The following RYR3 variants were observed in gnomAD, a reference collection of about 807,000 sequenced individuals.
RYR3 encodes the protein ryanodine receptor 3.
A neutral mutation model predicts 584.3 loss-of-function variants in RYR3; 207 were observed. The ratio of observed to expected loss-of-function variants is 0.35; its 90% CI spans 0.32 to 0.40. The LOEUF is 0.40. Ranked by LOEUF, RYR3 falls within the 10% of genes least tolerant of loss-of-function variation. The pLI is 1.00. For synonymous variants in RYR3, 2,416 were observed against 2,248.5 expected (o/e 1.07, Z -2.11); for missense variants, 5,616 against 6,089.2 (o/e 0.92, Z 2.59).
intron 80 of RYR3, among the ~76,000 whole-genome samples, chr15:33,822,329 G>T (rs1567245441): frequency 6.6e-6 from 1 of 152,254 alleles, no homozygotes; most frequent in East Asian, 1.9e-4. Flanking sequence ...CAGACCCTTG[G>T]CATTCATAAG....
intron 88 of RYR3, among the ~76,000 whole-genome samples, chr15:33,837,320 A>T (rs899940711): frequency 6.6e-6 from 1 of 152,020 alleles, no homozygotes; most frequent in Non-Finnish European, 1.5e-5. Flanking sequence ...GCACCCTCCT[A>T]GGTCTAAGGG....
chr15:33,626,716 T>G (rs2061008462), intron 20 of RYR3, among the ~76,000 whole-genome samples: 1 of 152,100 alleles, frequency 6.6e-6, no homozygotes, highest in Non-Finnish European at 1.5e-5. Flanking sequence ...GCCACTTCAC[T>G]CCAGCTATGG....
At chr15:33,789,624 T>TTA (rs1567174689) in intron 67 of RYR3, among the ~76,000 whole-genome samples, 307 of 11,694 alleles carry the variant, frequency 0.026, 12 homozygotes, top group Middle Eastern at 0.17. Context: ...AGGTTTTATT[T>TTA]TATATATATA....
At chr15:33,796,326 G>T (rs2152925843) in intron 67 of RYR3, among the ~76,000 whole-genome samples, 1 of 152,170 alleles carries the variant, frequency 6.6e-6, no homozygotes, top group South Asian at 2.1e-4. Flanking sequence ...TAGAGACGGG[G>T]TTTCACCATG....
intron 38 of RYR3, among the ~76,000 whole-genome samples, chr15:33,676,542 TAG>T (rs1279137013): frequency 6.6e-6 from 1 of 152,230 alleles, no homozygotes; most frequent in Non-Finnish European, 1.5e-5. Flanking sequence ...GAGAGCATTA[TAG>T]TCGCCTGAGA....
At chr15:33,333,297 A>G (rs1384126550) in intron 1 of RYR3, among the ~76,000 whole-genome samples, 1 of 152,208 alleles carries the variant, frequency 6.6e-6, no homozygotes, top group Non-Finnish European at 1.5e-5. Context: ...ATGAACATCA[A>G]TGTAAAAATC....
At chr15:33,562,733 C>T in intron 10 of RYR3, 104 bp from the exon 11 acceptor site, 1 of 748,454 alleles carries the variant, frequency 1.3e-6, no homozygotes, top group Non-Finnish European at 2.2e-6. Flanking sequence ...TTTTGGTAAC[C>T]AGTTGCCTGG....
In RYR3 at chr15:33,633,113, G is replaced by C. The variant is rs2061345132; in HGVS notation, c.3027+5G>C. 1 of 1,611,042 alleles carries C rather than the reference G, an allele frequency of 6.2e-7. No individual in the cohort carries two copies. Among genetic ancestry groups the C allele is most frequent in the Admixed American group, 1.7e-5 (1 of 59,764 alleles). On this transcript the variant is annotated splice_donor_5th_base_variant and intron_variant, in intron 24 of 103. Coordinates refer to ENST00000634891, the MANE Select transcript of RYR3 (RefSeq NM_001036.6). ...TGGACCTATGGCATCCAACAGGTAA[G>C]AAATTCTGGGTCAGGCATGCTGGAA...
chr15:33,437,268 A>G (rs2045818461), intron 1 of RYR3, among the ~76,000 whole-genome samples: 1 of 152,222 alleles, frequency 6.6e-6, no homozygotes, highest in African/African-American at 2.4e-5. Flanking sequence ...TGAGGCTGGC[A>G]TAGCAGCTCA....
At chr15:33,749,897 C>A in intron 55 of RYR3, 82 bp from the exon 56 acceptor site, 1 of 1,209,542 alleles carries the variant, frequency 8.3e-7, no homozygotes, top group East Asian at 2.5e-5. Context: ...TTTCCCGAGG[C>A]TGCCTGAAAT....
chr15:33,586,015 C>A lies in RYR3; in HGVS notation c.1687C>A (p.His563Asn). The change falls in exon 16 of 104, where the codon CAC (histidine) becomes AAC (asparagine). Residue 563 changes from histidine (H) to asparagine (N), a missense_variant. Transcript: ENST00000634891. ...ESSSGILEVL[H>N]CILTESPEAL... The stretch of plus-strand genomic sequence containing the variant: ...TCATGTAGGTATCTTGGAAGTTTTG[C>A]ACTGCATCTTAACTGAAAGCCCAGA... The A allele has an allele frequency of 6.2e-7, 1 of 1,610,990 alleles. No homozygotes were observed. The highest frequency in any genetic ancestry group is 1.1e-5 in the South Asian group (1 of 91,030).
chr15:33,821,272 GAA>G lies in RYR3; in HGVS notation c.10820_10821del (p.Lys3607ArgfsTer16). 1 of 1,590,546 alleles carries G rather than the reference GAA, an allele frequency of 6.3e-7. No homozygotes were observed. The highest frequency in any genetic ancestry group is 1.2e-5 in the South Asian group (1 of 86,756). On this transcript the variant is annotated frameshift_variant, in exon 79 of 104. Transcript: ENST00000634891. LOFTEE classifies it high-confidence loss of function. ...DEDKEKTFEE[K>X]EMEKQKTLYQ... ...CCTGTGATTTTTTTTCCCCCCAGGAGAAAGAGATGGAGAAGCAAAAAACCCTC... is the reference window on the plus strand; with the variant it reads ...CCTGTGATTTTTTTTCCCCCCAGGAGAGAGATGGAGAAGCAAAAAACCCTC...
rs774668559 is a variant in RYR3 at position 33,857,794 on chromosome 15, C to G, written c.14022C>G (p.Val4674=). 40 of 1,613,934 alleles carry G rather than the reference C, an allele frequency of 2.5e-5. 1 individual carries two copies. The South Asian group carries it at 4.2e-4, about 17-fold the overall frequency. Residue 4674 remains valine (V), a synonymous_variant, in exon 99 of 104, where the codon GTC becomes GTG. Transcript: ENST00000634891. ...THNGKQLVLT[V]GLLAVVVYLY... is the part of the protein sequence containing the mutation. Reference sequence around the variant, plus strand: ...CTCATTCCCAGTTGGTTCTGACTGTCGGTCTCCTGGCCGTGGTGGTTTATC... The same window carrying G: ...CTCATTCCCAGTTGGTTCTGACTGTGGGTCTCCTGGCCGTGGTGGTTTATC...
At chr15:33,566,273 G>A (rs552894292) in intron 11 of RYR3, among the ~76,000 whole-genome samples, 2 of 152,198 alleles carry the variant, frequency 1.3e-5, no homozygotes, top group African/African-American at 2.4e-5. Flanking sequence ...GCTTTAAATT[G>A]TCTGTCTTTT....
chr15:33,790,637 T>TG (rs2075098225), intron 67 of RYR3, among the ~76,000 whole-genome samples: 1 of 151,894 alleles, frequency 6.6e-6, no homozygotes, highest in African/African-American at 2.4e-5. Flanking sequence ...AAAGTGAAAA[T>TG]GTTGAATGGA....
chr15:33,512,962 T>C (rs891474666), intron 3 of RYR3, among the ~76,000 whole-genome samples: 2 of 152,150 alleles, frequency 1.3e-5, no homozygotes, highest in Non-Finnish European at 2.9e-5. Flanking sequence ...AATAACTGTT[T>C]CATGGGGGAC....
At chr15:33,678,529 A>G (rs566955880) in intron 38 of RYR3, among the ~76,000 whole-genome samples, 33 of 152,216 alleles carry the variant, frequency 2.2e-4, no homozygotes, top group Non-Finnish European at 4.1e-4. Flanking sequence ...AAATTATGCA[A>G]TCTCAGGTAG....
intron 10 of RYR3, among the ~76,000 whole-genome samples, chr15:33,552,212 C>T (rs1077409): frequency 0.44 from 66,355 of 151,892 alleles, 16,372 homozygotes; most frequent in Admixed American, 0.59. Flanking sequence ...ATATTCCATT[C>T]TTGGCTCAGC....
chr15:33,697,071 A>C (rs572778411), intron 39 of RYR3, among the ~76,000 whole-genome samples: 5 of 152,282 alleles, frequency 3.3e-5, no homozygotes, highest in African/African-American at 1.2e-4. Flanking sequence ...AAGGCCCAAA[A>C]AGATTCACTA....
Sources: allele counts gnomAD v4.1 joint callset (sites outside exome capture counted in the v4.1 genomes callset), GRCh38; gene constraint gnomAD v4.1.1; transcripts MANE v1.5; gene names NCBI Gene and HGNC (gene_info 2026-07-23, HGNC 2026-07-21).